MACROD2: variants seen among roughly 807,000 people sequenced by gnomAD.
MACROD2 encodes the protein ADP-ribose glycohydrolase MACROD2.
A neutral mutation model predicts 70.4 loss-of-function variants in MACROD2; 36 were observed. The ratio of observed to expected loss-of-function variants is 0.51; its 90% CI spans 0.39 to 0.68. The LOEUF (loss-of-function observed/expected upper bound fraction) is 0.68. Among genes scored for constraint, MACROD2 ranks in the 30% least tolerant of loss-of-function variants. MACROD2 has a pLI of 0.00. For missense variants in MACROD2, 496 were observed against 538.4 expected (o/e 0.92, Z 0.78); for synonymous variants, 172 against 178.8 (o/e 0.96, Z 0.30).
At chr20:15,323,120 GCC>G (rs201224416) in intron 6 of MACROD2, among the ~76,000 whole-genome samples, 18 of 103,876 alleles carry the variant, frequency 1.7e-4, no homozygotes, top group South Asian at 3.2e-4. Context: ...TGCTTAATTT[GCC>G]TTTGCCAGTT....
intron 5 of MACROD2, among the ~76,000 whole-genome samples, chr20:14,760,544 A>C (rs1489027979): frequency 6.6e-6 from 1 of 152,120 alleles, no homozygotes; most frequent in Non-Finnish European, 1.5e-5. Context: ...AGTTAAGTAA[A>C]TCTAAAACAA....
At chr20:15,520,782 C>T (rs1002683735) in intron 8 of MACROD2, among the ~76,000 whole-genome samples, 2 of 152,224 alleles carry the variant, frequency 1.3e-5, no homozygotes, top group African/African-American at 4.8e-5. Flanking sequence ...TTTAGATATT[C>T]TCTGATCAAG....
chr20:14,126,047 G>A (rs1162411083), intron 3 of MACROD2, among the ~76,000 whole-genome samples: 1 of 152,036 alleles, frequency 6.6e-6, no homozygotes, highest in Non-Finnish European at 1.5e-5. Flanking sequence ...TGAGTGTTAC[G>A]TGAAGCAAAT....
intron 3 of MACROD2, among the ~76,000 whole-genome samples, chr20:14,280,103 T>C (rs1043619824): frequency 5.3e-5 from 8 of 152,178 alleles, no homozygotes; most frequent in Non-Finnish European, 8.8e-5. Context: ...CTATGATATC[T>C]TTCCTATTTT....
intron 4 of MACROD2, among the ~76,000 whole-genome samples, chr20:14,630,518 C>T (rs943620212): frequency 6.6e-6 from 1 of 152,144 alleles, no homozygotes; most frequent in Admixed American, 6.5e-5. Context: ...TAACTCTTAG[C>T]AATGATTTAG....
intron 2 of MACROD2, among the ~76,000 whole-genome samples, chr20:14,004,565 C>G (rs1313371960): frequency 1.3e-5 from 2 of 152,106 alleles, no homozygotes; most frequent in Non-Finnish European, 2.9e-5. Context: ...ATATACAATA[C>G]ACATTTTTCA....
intron 5 of MACROD2, among the ~76,000 whole-genome samples, chr20:15,121,402 A>C (rs902047896): frequency 1.3e-5 from 2 of 150,334 alleles, no homozygotes; most frequent in African/African-American, 2.5e-5. Flanking sequence ...AATCCCAGCT[A>C]TTTGGGAGGC....
chr20:15,602,949 A>G (rs930485189), intron 8 of MACROD2, among the ~76,000 whole-genome samples: 2 of 152,150 alleles, frequency 1.3e-5, no homozygotes, highest in Non-Finnish European at 2.9e-5. Context: ...CTTAAAAAAA[A>G]AAATCTATCC....
chr20:15,549,937 C>T (rs576795947), intron 8 of MACROD2, among the ~76,000 whole-genome samples: 1 of 151,892 alleles, frequency 6.6e-6, no homozygotes, highest in Non-Finnish European at 1.5e-5. Flanking sequence ...ACATATATAC[C>T]CTAAGAAAAA....
chr20:15,947,953 A>G (rs1414332571), intron 12 of MACROD2, among the ~76,000 whole-genome samples: 1 of 151,602 alleles, frequency 6.6e-6, no homozygotes, highest in Non-Finnish European at 1.5e-5. Context: ...CATCGAAGGC[A>G]CCCCTCCTGA....
At chr20:15,926,106 G>A (rs576310842) in intron 10 of MACROD2, among the ~76,000 whole-genome samples, 44 of 152,094 alleles carry the variant, frequency 2.9e-4, no homozygotes, top group Non-Finnish European at 4.9e-4. Flanking sequence ...CCCCGCCTGG[G>A]GAGGCAATTC....
chr20:15,847,347 A>G (rs1010198959), intron 8 of MACROD2, among the ~76,000 whole-genome samples: 2 of 152,184 alleles, frequency 1.3e-5, no homozygotes, highest in Non-Finnish European at 2.9e-5. Context: ...AATTGTGCCA[A>G]TATGCCAATT....
chr20:14,481,948 T>A (rs2084668457), intron 3 of MACROD2, among the ~76,000 whole-genome samples: 1 of 152,224 alleles, frequency 6.6e-6, no homozygotes, highest in South Asian at 2.1e-4. Flanking sequence ...ATTATTTGGT[T>A]GTTATTTTGG....
intron 8 of MACROD2, among the ~76,000 whole-genome samples, chr20:15,650,941 C>G (rs1006028790): frequency 2.0e-5 from 3 of 152,140 alleles, no homozygotes; most frequent in Non-Finnish European, 4.4e-5. Context: ...ACTGGACATC[C>G]TAGCCTTTCT....
At chr20:14,849,863 A>G (rs527972869) in intron 5 of MACROD2, 37 of 427,772 alleles carry the variant, frequency 8.6e-5, no homozygotes, top group African/African-American at 7.6e-4. Flanking sequence ...CAATAAAAAT[A>G]GGCTCCTAAC....
intron 5 of MACROD2, among the ~76,000 whole-genome samples, chr20:14,798,534 G>A (rs995673520): frequency 1.3e-5 from 2 of 151,966 alleles, no homozygotes; most frequent in Admixed American, 1.3e-4. Flanking sequence ...CTCATCACTG[G>A]ATTTCATAAG....
At chr20:15,744,602 GGCTTCCTTGTAGCTGAAGAAAACTGA>G (rs2051152258) in intron 8 of MACROD2, among the ~76,000 whole-genome samples, 1 of 151,946 alleles carries the variant, frequency 6.6e-6, no homozygotes, top group Non-Finnish European at 1.5e-5. Flanking sequence ...TGATGCCCCA[GGCTTCCTTGTAGCTGAAGAAAACTGA>G]AGAAATGAGG....
intron 10 of MACROD2, among the ~76,000 whole-genome samples, chr20:15,929,430 T>TTATA (rs10659686): frequency 0.016 from 2,378 of 149,906 alleles, 20 homozygotes; most frequent in Admixed American, 0.021. Context: ...GACACTGATT[T>TTATA]TATATATATA....
intron 2 of MACROD2, among the ~76,000 whole-genome samples, chr20:14,022,114 T>C (rs188009512): frequency 6.2e-4 from 94 of 152,320 alleles, no homozygotes; most frequent in African/African-American, 2.2e-3. Flanking sequence ...TTTTGGCGAA[T>C]AGCTAGTAAT....
Sources: gnomAD v4.1 joint callset for allele counts (sites outside exome capture counted in the v4.1 genomes callset) on GRCh38, gnomAD v4.1.1 for gene constraint, MANE v1.5 for transcripts, NCBI Gene and HGNC (gene_info 2026-07-23, HGNC 2026-07-21) for gene names.